Variants in PPP2R2B observed in about 807,000 individuals in gnomAD.
The protein encoded by PPP2R2B is protein phosphatase 2 regulatory subunit Bbeta.
A neutral mutation model predicts 46.0 loss-of-function variants in PPP2R2B; 5 were observed. That is an observed-to-expected ratio of 0.11 (90% CI 0.06 to 0.23). The LOEUF is 0.23. Ranked by LOEUF, PPP2R2B falls within the 10% of genes least tolerant of loss-of-function variation. PPP2R2B has a pLI of 1.00. For synonymous variants in PPP2R2B, 215 were observed against 206.7 expected (o/e 1.04, Z -0.34); for missense variants, 367 against 575.0 (o/e 0.64, Z 3.70).
At chr5:146,687,957 A>G (rs957061578) in intron 5 of PPP2R2B, among the ~76,000 whole-genome samples, 2 of 152,224 alleles carry the variant, frequency 1.3e-5, no homozygotes, top group African/African-American at 4.8e-5. Flanking sequence ...CTGGCAATGC[A>G]CATTTCAAGA....
chr5:146,832,377 A>ATTTT (rs1443028400), intron 2 of PPP2R2B, among the ~76,000 whole-genome samples: 2 of 104,296 alleles, frequency 1.9e-5, no homozygotes, highest in African/African-American at 7.3e-5. Flanking sequence ...GCCATTTTTA[A>ATTTT]TCTTTTTTTT....
chr5:146,899,598 C>T (rs1762760358), intron 1 of PPP2R2B, among the ~76,000 whole-genome samples: 1 of 151,696 alleles, frequency 6.6e-6, no homozygotes, highest in African/African-American at 2.4e-5. Flanking sequence ...ACATTGTGCA[C>T]ATGTACCCTA....
chr5:146,958,772 T>C (rs1171400354), intron 1 of PPP2R2B, among the ~76,000 whole-genome samples: 2 of 152,234 alleles, frequency 1.3e-5, no homozygotes, highest in Non-Finnish European at 2.9e-5. Flanking sequence ...TTCCTTCAGA[T>C]CATGAGCTAT....
intron 1 of PPP2R2B, among the ~76,000 whole-genome samples, chr5:147,043,814 T>A (rs950768081): frequency 6.6e-6 from 1 of 152,166 alleles, no homozygotes; most frequent in Non-Finnish European, 1.5e-5. Context: ...GGGGACATGT[T>A]GGAGCTTTTA....
At chr5:146,731,854 T>C (rs1436678502) in intron 2 of PPP2R2B, among the ~76,000 whole-genome samples, 2 of 152,194 alleles carry the variant, frequency 1.3e-5, no homozygotes, top group Non-Finnish European at 1.5e-5. Flanking sequence ...TTTTTTTTTG[T>C]CTTTCCTCTA....
At chr5:146,916,064 A>T (rs1265973007) in intron 1 of PPP2R2B, among the ~76,000 whole-genome samples, 2 of 152,200 alleles carry the variant, frequency 1.3e-5, no homozygotes, top group African/African-American at 4.8e-5. Flanking sequence ...ACAATACATT[A>T]GTATAGCATC....
Position 146,650,531 on chromosome 5 carries a change from C to A in PPP2R2B, c.625+16G>T. On this transcript the variant is annotated intron_variant, in intron 6 of 9. Coordinates refer to ENST00000394411, the MANE Select transcript of PPP2R2B (RefSeq NM_181675.4). Reference sequence around the variant, plus strand: ...TAATTCAGGCCAGTTGATTCTTGATCACAAAGAAAGGATACTAAAACTTTG... The same window carrying A: ...TAATTCAGGCCAGTTGATTCTTGATAACAAAGAAAGGATACTAAAACTTTG... The A allele has an allele frequency of 6.2e-7, 1 of 1,606,798 alleles. No individual in the cohort carries two copies.
intron 1 of PPP2R2B, among the ~76,000 whole-genome samples, chr5:147,024,722 T>C (rs188255484): frequency 1.6e-4 from 24 of 152,234 alleles, no homozygotes; most frequent in Middle Eastern, 3.4e-3. Flanking sequence ...AATAACCCAG[T>C]GGCTCAAAAA....
chr5:146,691,372 G>T (rs556675157), intron 4 of PPP2R2B, 132 bp from the exon 5 acceptor site: 19 of 653,866 alleles, frequency 2.9e-5, no homozygotes, highest in Admixed American at 8.8e-5. Flanking sequence ...TCACATAAAC[G>T]TTTGGCGTGC....
At chr5:146,856,299 A>G (rs948601360) in intron 2 of PPP2R2B, among the ~76,000 whole-genome samples, 4 of 152,212 alleles carry the variant, frequency 2.6e-5, no homozygotes, top group African/African-American at 9.7e-5. Context: ...AAATCAAACT[A>G]TGCTTCCTAT....
chr5:146,605,535 C>G (rs905434915), intron 7 of PPP2R2B, among the ~76,000 whole-genome samples: 1 of 152,182 alleles, frequency 6.6e-6, no homozygotes. Flanking sequence ...GAGTTGACAA[C>G]GCAATTACCC....
intron 1 of PPP2R2B, among the ~76,000 whole-genome samples, chr5:146,885,234 T>G (rs2151424830): frequency 6.6e-6 from 1 of 152,194 alleles, no homozygotes; most frequent in South Asian, 2.1e-4. Flanking sequence ...CTAATAGAGG[T>G]AAATAATATA....
At chr5:147,057,815 G>A (rs116741862), upstream of PPP2R2B, among the ~76,000 whole-genome samples, 47 of 152,296 alleles carry the variant, frequency 3.1e-4, no homozygotes, top group South Asian at 3.1e-3. Context: ...GACTTGCTGT[G>A]TGATCTTGGG....
chr5:146,617,619 T>G (rs146726916), intron 7 of PPP2R2B, among the ~76,000 whole-genome samples: 8 of 151,834 alleles, frequency 5.3e-5, no homozygotes, highest in African/African-American at 1.9e-4. Context: ...AGATATACCA[T>G]GCCTACGCTC....
rs189007853 is a variant in PPP2R2B, at chr5:146,638,209, G to A, written c.790+42C>T. On this transcript the variant is annotated intron_variant, in intron 7 of 9. Transcript: ENST00000394411. The stretch of plus-strand genomic sequence containing the variant: ...CCAGGCTCTCCCCCAGCACATTGGG[G>A]CCAGTGGCCATGCCCCCCACCTCCC... 7.1e-5 allele frequency: 113 copies of A among 1,590,138 alleles called. No homozygotes were observed. In the African/African-American group the frequency reaches 1.2e-3, roughly 16 times the overall value.
At chr5:146,933,223 G>T (rs1764024665) in intron 1 of PPP2R2B, among the ~76,000 whole-genome samples, 1 of 152,130 alleles carries the variant, frequency 6.6e-6, no homozygotes, top group Middle Eastern at 3.4e-3. Flanking sequence ...TTTTTTGGTT[G>T]TAAAGTTATT....
At chr5:147,049,116 G>GTGTGTGTC (rs151285907) in intron 1 of PPP2R2B, among the ~76,000 whole-genome samples, 1 of 151,024 alleles carries the variant, frequency 6.6e-6, no homozygotes, top group Admixed American at 6.6e-5. Context: ...GTGTGTGTGT[G>GTGTGTGTC]TGTGTGTGAG....
rs529871818 is a variant in PPP2R2B at position 147,033,680 on chromosome 5, AT to A, written c.79+21984del. On this transcript the variant is annotated intron_variant, in intron 1 of 8. Transcript: ENST00000336640. ...AGCCTACATAGCAAGTCAAGCCTTCATCACAGGGATGCCACTCATATTTCCC... is the reference window on the plus strand; with the variant it reads ...AGCCTACATAGCAAGTCAAGCCTTCACACAGGGATGCCACTCATATTTCCC... Among the ~76,000 whole-genome samples the A allele has an allele frequency of 4.1e-3, 618 of 152,254 alleles. 1 individual carries two copies. Among genetic ancestry groups the A allele is most frequent in the African/African-American group, 0.014 (589 of 41,556 alleles).
At position 146,932,084 on chromosome 5, in the gene PPP2R2B, G is replaced by A. The variant is rs181568323; in HGVS notation, c.79+123581C>T. On this transcript the variant is annotated intron_variant, in intron 1 of 8. Coordinates refer to the PPP2R2B transcript ENST00000336640. ...TTCCTTAGTATGTTTGAACTGAATC[G>A]TTTAGATTGGCCCACCCATTCATTC... 3.0e-3 allele frequency among the ~76,000 whole-genome samples: 455 copies of A among 152,208 alleles called. 3 individuals carry two copies. Among genetic ancestry groups the A allele is most frequent in the African/African-American group, 0.01 (427 of 41,548 alleles).
Sources: gnomAD v4.1 joint callset for allele counts (sites outside exome capture counted in the v4.1 genomes callset) on GRCh38, gnomAD v4.1.1 for gene constraint, MANE v1.5 for transcripts, NCBI Gene and HGNC (gene_info 2026-07-23, HGNC 2026-07-21) for gene names.